The following CTNNA2 variants were observed in gnomAD, a reference collection of about 807,000 sequenced individuals.
CTNNA2 encodes catenin alpha 2, also known as catenin alpha-2.
In CTNNA2, 42 loss-of-function variants were observed where a neutral mutation model predicts 101.0. The observed-to-expected ratio is 0.42, with a 90% confidence interval of 0.32 to 0.54. The LOEUF (loss-of-function observed/expected upper bound fraction) is 0.54, where lower values mean the gene tolerates loss of function less well. CTNNA2 is among the 20% of genes least tolerant of loss of function. CTNNA2 has a pLI of 0.14. For synonymous variants in CTNNA2, 450 were observed against 456.4 expected, an observed-to-expected ratio of 0.99 and a Z score of 0.18; for missense variants, 871 against 1,223.1, an observed-to-expected ratio of 0.71 and a Z score of 4.29.
intron 9 of CTNNA2, among the ~76,000 whole-genome samples, chr2:80,463,066 C>A (rs530479251): frequency 2.0e-5 from 3 of 152,122 alleles, no homozygotes; most frequent in Admixed American, 6.6e-5. Context: ...TAGGAGTTGG[C>A]GCTGTGATGC....
intron 4 of CTNNA2, among the ~76,000 whole-genome samples, chr2:79,417,839 C>A (rs969938592): frequency 2.0e-5 from 3 of 152,062 alleles, no homozygotes; most frequent in African/African-American, 7.2e-5. Flanking sequence ...GAAGTTATAA[C>A]CACCTAACAG....
chr2:79,517,476 C>T (rs1367782797), intron 1 of CTNNA2, among the ~76,000 whole-genome samples: 1 of 152,020 alleles, frequency 6.6e-6, no homozygotes, highest in Non-Finnish European at 1.5e-5. Context: ...AAATATATTT[C>T]TAAAAACTAA....
intron 7 of CTNNA2, among the ~76,000 whole-genome samples, chr2:80,370,402 A>G (rs1376723878): frequency 6.6e-6 from 1 of 152,096 alleles, no homozygotes; most frequent in Non-Finnish European, 1.5e-5. Flanking sequence ...ATTCATATAA[A>G]TATTGTTCAA....
intron 18 of CTNNA2, among the ~76,000 whole-genome samples, chr2:80,619,851 C>G (rs574877407): frequency 6.6e-6 from 1 of 151,880 alleles, no homozygotes; most frequent in African/African-American, 2.4e-5. Flanking sequence ...TGTTGTTGCA[C>G]GTCCTAACCC....
chr2:80,459,268 T>G (rs1684231419), intron 9 of CTNNA2, among the ~76,000 whole-genome samples: 1 of 152,074 alleles, frequency 6.6e-6, no homozygotes, highest in African/African-American at 2.4e-5. Context: ...GAGTTTGGCA[T>G]TCACATTAGA....
At chr2:79,204,686 T>G (rs181964114) in intron 2 of CTNNA2, among the ~76,000 whole-genome samples, 57 of 152,330 alleles carry the variant, frequency 3.7e-4, no homozygotes, top group Non-Finnish European at 5.3e-4. Context: ...TTCTGGAGGC[T>G]GGGATGTCCA....
At chr2:80,529,112 G>A (rs1053950313) in intron 9 of CTNNA2, among the ~76,000 whole-genome samples, 3 of 152,166 alleles carry the variant, frequency 2.0e-5, no homozygotes, top group African/African-American at 7.2e-5. Context: ...TGGTGGGCAG[G>A]CAGACAAACA....
chr2:79,437,263 GTAGA>G (rs1283598429), intron 4 of CTNNA2, among the ~76,000 whole-genome samples: 1 of 151,886 alleles, frequency 6.6e-6, no homozygotes, highest in Non-Finnish European at 1.5e-5. Flanking sequence ...ATATATATAT[GTAGA>G]TAGATAGATT....
chr2:79,977,006 T>G (rs978639863), intron 7 of CTNNA2, among the ~76,000 whole-genome samples: 1 of 152,226 alleles, frequency 6.6e-6, no homozygotes, highest in Non-Finnish European at 1.5e-5. Context: ...AACTGCCATT[T>G]TGTTCTTTCC....
At chr2:79,877,401 C>T (rs2974161) in intron 6 of CTNNA2, among the ~76,000 whole-genome samples, 101,274 of 152,062 alleles carry the variant, frequency 0.67, 34,069 homozygotes, top group Middle Eastern at 0.81. Context: ...GTAGATTTTC[C>T]ATCACTTCTG....
chr2:80,144,157 G>A (rs1297005253), intron 7 of CTNNA2, among the ~76,000 whole-genome samples: 2 of 152,126 alleles, frequency 1.3e-5, no homozygotes, highest in East Asian at 1.9e-4. Flanking sequence ...GAAGCTTGAG[G>A]TACGTAGACA....
chr2:79,955,073 C>T (rs147232541), intron 7 of CTNNA2, among the ~76,000 whole-genome samples: 1 of 152,350 alleles, frequency 6.6e-6, no homozygotes, highest in African/African-American at 2.4e-5. Context: ...AGGTTACCCT[C>T]AGTCTGACTG....
intron 11 of CTNNA2, among the ~76,000 whole-genome samples, chr2:80,548,310 A>G (rs1400755462): frequency 1.3e-5 from 2 of 152,188 alleles, no homozygotes; most frequent in Non-Finnish European, 2.9e-5. Context: ...GGAAATACCT[A>G]TACATTGCCT....
chr2:79,545,859 G>A (rs556191471), intron 1 of CTNNA2, among the ~76,000 whole-genome samples: 2 of 152,136 alleles, frequency 1.3e-5, no homozygotes, highest in Non-Finnish European at 2.9e-5. Flanking sequence ...AATATAACTA[G>A]TAATTATAAA....
chr2:79,271,261 G>A (rs1262066266), intron 2 of CTNNA2, among the ~76,000 whole-genome samples: 2 of 151,874 alleles, frequency 1.3e-5, no homozygotes, highest in African/African-American at 2.4e-5. Context: ...CTAGAGAAGG[G>A]GTGGCCTTTA....
chr2:80,123,624 A>G (rs528085949), intron 7 of CTNNA2, among the ~76,000 whole-genome samples: 1 of 152,234 alleles, frequency 6.6e-6, no homozygotes, highest in East Asian at 1.9e-4. Flanking sequence ...TGACTTTCCT[A>G]TTTCTTGTTC....
intron 1 of CTNNA2, among the ~76,000 whole-genome samples, chr2:79,533,758 T>A (rs1488034448): frequency 1.3e-5 from 2 of 151,972 alleles, no homozygotes; most frequent in African/African-American, 4.8e-5. Context: ...TTGCTTTTTC[T>A]TCTAAAATAG....
At chr2:79,919,181 C>T (rs72807323) in intron 7 of CTNNA2, among the ~76,000 whole-genome samples, 10,575 of 152,154 alleles carry the variant, frequency 0.07, 411 homozygotes, top group Middle Eastern at 0.085. Flanking sequence ...CTGTTCAGAG[C>T]GGTGCTGTTG....
chr2:80,042,971 T>TCTTTCCTTCCCTTCCTTTC (rs1223667879), intron 7 of CTNNA2, among the ~76,000 whole-genome samples: 1 of 152,036 alleles, frequency 6.6e-6, no homozygotes, highest in South Asian at 2.1e-4. Context: ...ATGTTTTCTT[T>TCTTTCCTTCCCTTCCTTTC]CTTTCCTTCC....
Sources: allele counts gnomAD v4.1 joint callset (sites outside exome capture counted in the v4.1 genomes callset), GRCh38; gene constraint gnomAD v4.1.1; transcripts MANE v1.5; gene names NCBI Gene and HGNC (gene_info 2026-07-23, HGNC 2026-07-21).